Variants in FOXR1 observed in about 807,000 individuals in gnomAD.
The protein encoded by FOXR1 is forkhead box R1, also known as forkhead box protein R1.
In FOXR1, 25 loss-of-function variants were observed where a neutral mutation model predicts 34.5. The ratio of observed to expected loss-of-function variants is 0.72; its 90% CI spans 0.53 to 1.01. The LOEUF (loss-of-function observed/expected upper bound fraction) is 1.01. Ranked by LOEUF, FOXR1 falls within the 50% of genes least tolerant of loss-of-function variation. The probability of loss-of-function intolerance (pLI) is 0.00; values close to 1 mark genes in which losing one functional copy is unlikely to be tolerated. For missense variants in FOXR1, 373 were observed against 376.2 expected (o/e 0.99, Z 0.07); for synonymous variants, 153 against 141.6 (o/e 1.08, Z -0.57).
At chr11:118,980,322 G>C (rs1410597416) in intron 4 of FOXR1, 168 bp from the exon 5 acceptor site, 1 of 773,558 alleles carries the variant, frequency 1.3e-6, no homozygotes, top group Admixed American at 2.0e-5. Flanking sequence ...CGCACCACGT[G>C]GATGCTTTGC....
At position 118,979,060 on chromosome 11, in the gene FOXR1, A is replaced by G; in HGVS notation, c.240A>G (p.Thr80=). Residue 80 remains threonine, a synonymous_variant, in exon 3 of 6, where the codon ACA becomes ACG. Transcript: ENST00000317011. ...VSGRRKREDL[T]STLPSSQPPQ... ...GACGTAGGAAGAGGGAGGACCTGAC[A>G]AGCACACTCCCCTCCTCTCAGCCAC... 1 of 1,605,086 alleles carries G rather than the reference A, an allele frequency of 6.2e-7. No individual in the cohort carries two copies. The highest frequency in any genetic ancestry group is 8.5e-7 in the Non-Finnish European group (1 of 1,175,986).
chr11:118,979,372 C>A lies in FOXR1; in HGVS notation c.385-70C>A, dbSNP rs614245. 8.0e-4 allele frequency: 1,184 copies of A among 1,486,610 alleles called. 8 individuals are homozygous for A. In the African/African-American group the frequency reaches 0.014, roughly 17 times the overall value. 92.1% of individuals were successfully genotyped at this position (1,486,610 alleles called of 1,614,324 possible). A position where few individuals can be genotyped will look rare whatever the true frequency, so the allele number is the denominator to read the frequency against. On this transcript the variant is annotated intron_variant, in intron 3 of 5. Transcript: ENST00000317011. ...CAAATGGTGGCCTTAGACCACCCCC[C>A]CTTCCTGCCACTGCACCCTGGAGTA...
chr11:118,974,916 A>G (rs1315362380), intron 1 of FOXR1, among the ~76,000 whole-genome samples: 1 of 152,172 alleles, frequency 6.6e-6, no homozygotes, highest in Non-Finnish European at 1.5e-5. Flanking sequence ...GAAGATCAGG[A>G]ATTCTGTTCT....
chr11:118,977,852 C>T (rs921288962), intron 1 of FOXR1, among the ~76,000 whole-genome samples: 4 of 151,976 alleles, frequency 2.6e-5, no homozygotes, highest in South Asian at 2.1e-4. Flanking sequence ...TTTGGGAGCC[C>T]GAAGCAGGAG....
intron 1 of FOXR1, among the ~76,000 whole-genome samples, chr11:118,975,857 C>G (rs1479074537): frequency 6.6e-6 from 1 of 152,154 alleles, no homozygotes; most frequent in Non-Finnish European, 1.5e-5. Context: ...ATATGTCCAC[C>G]CTTATTTAAC....
intron 1 of FOXR1, 120 bp downstream of exon 1, chr11:118,972,112 G>A (rs1941713194): frequency 3.9e-6 from 3 of 765,252 alleles, no homozygotes; most frequent in Non-Finnish European, 5.6e-6. Flanking sequence ...GGAGGCTTGG[G>A]GGGCCGAGCG....
rs1463606815 is a variant in FOXR1, at chr11:118,979,216, T to G, written c.384+12T>G. 6.6e-7 allele frequency: 1 copy of G among 1,516,702 alleles called. No homozygotes were observed. Among genetic ancestry groups the G allele is most frequent in the Non-Finnish European group, 8.8e-7 (1 of 1,135,810 alleles). The allele number at this position is 1,516,702 out of a possible 1,614,324, so 94.0% of individuals were successfully genotyped here. A position where few individuals can be genotyped will look rare whatever the true frequency, so the allele number is the denominator to read the frequency against. On this transcript the variant is annotated intron_variant, in intron 3 of 5. Transcript: ENST00000317011. ...CCAGCACCTGGGAGGTATGCATTTT[T>G]GGGGATGGGAGTGGGACTTGGGCAG...
chr11:118,981,156 G>A (rs1941857586), intron 5 of FOXR1, 52 bp from the exon 6 acceptor site: 9 of 1,593,454 alleles, frequency 5.6e-6, no homozygotes, highest in Non-Finnish European at 6.9e-6. Flanking sequence ...CCCAGGCCTA[G>A]GAAACAGCAA....
intron 3 of FOXR1, 86 bp downstream of exon 3, chr11:118,979,290 A>G: frequency 6.7e-7 from 1 of 1,497,138 alleles, no homozygotes. Context: ...TCTCTTAGCC[A>G]TAGCAAAAGG....
At chr11:118,973,969 A>G (rs894800405) in intron 1 of FOXR1, among the ~76,000 whole-genome samples, 2 of 152,116 alleles carry the variant, frequency 1.3e-5, no homozygotes, top group African/African-American at 4.8e-5. Context: ...AAGTGCTGGG[A>G]TTACAGGTGT....
In FOXR1 at chr11:118,979,045, G is replaced by GA; in HGVS notation, c.226dup (p.Arg76LysfsTer61). ...AGCTGGAGGTCTCAGGACGTAGGAAGAGGGAGGACCTGACAAGCACACTCC... is the reference window on the plus strand; with the variant it reads ...AGCTGGAGGTCTCAGGACGTAGGAAGAAGGGAGGACCTGACAAGCACACTCC... On this transcript the variant is annotated frameshift_variant, in exon 3 of 6. Transcript: ENST00000317011. LOFTEE classifies it high-confidence loss of function. The GA allele has an allele frequency of 6.2e-7, 1 of 1,603,458 alleles. No homozygotes were observed. The highest frequency in any genetic ancestry group is 8.5e-7 in the Non-Finnish European group (1 of 1,175,174).
Position 118,979,072 on chromosome 11 carries a change from C to T in FOXR1, c.252C>T (p.Pro84=). Residue 84 remains proline (P), a synonymous_variant, in exon 3 of 6, where the codon CCC becomes CCT. Coordinates refer to ENST00000317011, the MANE Select transcript of FOXR1 (RefSeq NM_181721.3). ...GGGAGGACCTGACAAGCACACTCCC[C>T]TCCTCTCAGCCACCCCAGAAGGAGG... ...RKREDLTSTL[P]SSQPPQKEED... 1.2e-6 allele frequency: 2 copies of T among 1,606,444 alleles called. No homozygotes were observed. The highest frequency in any genetic ancestry group is 1.7e-6 in the Non-Finnish European group (2 of 1,176,512).
chr11:118,980,243 G>A (rs1270371319), intron 4 of FOXR1: 1 of 670,382 alleles, frequency 1.5e-6, no homozygotes, highest in South Asian at 1.5e-5. Flanking sequence ...TGCTTGGCCT[G>A]ATTCTGCTTT....
intron 4 of FOXR1, 154 bp from the exon 5 acceptor site, chr11:118,980,336 G>GT: frequency 1.2e-6 from 1 of 841,050 alleles, no homozygotes; most frequent in Non-Finnish European, 2.0e-6. Flanking sequence ...GCTTTGCCAC[G>GT]TGCTCAGTTA....
At chr11:118,973,258 C>A (rs577111482) in intron 1 of FOXR1, among the ~76,000 whole-genome samples, 23 of 152,210 alleles carry the variant, frequency 1.5e-4, no homozygotes, top group Non-Finnish European at 2.4e-4. Flanking sequence ...AGACAAGGAA[C>A]CTTACATTCT....
In FOXR1 at chr11:118,980,674, C is replaced by T. The variant is rs376121236; in HGVS notation, c.796C>T (p.Arg266Cys). 9.9e-6 allele frequency: 16 copies of T among 1,613,892 alleles called. No individual in the cohort carries two copies. The highest frequency in any genetic ancestry group is 2.2e-5 in the East Asian group (1 of 44,886). ...ACACCGCCGCTTTGCGGAGGAGGCC[C>T]GCGCCTTGGCTTCCACTCGGCTAGA... ...EGHRRFAEEA[R>C]ALASTRLESI... Residue 266 changes from arginine (R) to cysteine (C), a missense_variant, in exon 5 of 6, where the codon CGC becomes TGC. Arg to Cys is a radical substitution (Grantham distance 180, BLOSUM62 -3). Transcript: ENST00000317011.
intron 1 of FOXR1, among the ~76,000 whole-genome samples, chr11:118,973,566 A>C (rs140061121): frequency 0.012 from 1,886 of 151,948 alleles, 41 homozygotes; most frequent in East Asian, 0.058. Context: ...TGCCCAGCTA[A>C]TTTTTGTATT....
chr11:118,972,741 G>A (rs1264918948), intron 1 of FOXR1, among the ~76,000 whole-genome samples: 1 of 151,968 alleles, frequency 6.6e-6, no homozygotes, highest in Non-Finnish European at 1.5e-5. Flanking sequence ...TCCCGCCCCA[G>A]CCTCCTGAGT....
intron 1 of FOXR1, among the ~76,000 whole-genome samples, chr11:118,977,201 T>A (rs1019875473): frequency 1.3e-5 from 2 of 152,064 alleles, no homozygotes; most frequent in African/African-American, 4.8e-5. Context: ...CGGCTAATTT[T>A]TTGTACTTTT....
Sources: gnomAD v4.1 joint callset for allele counts (sites outside exome capture counted in the v4.1 genomes callset) on GRCh38, gnomAD v4.1.1 for gene constraint, MANE v1.5 for transcripts, NCBI Gene and HGNC (gene_info 2026-07-23, HGNC 2026-07-21) for gene names.